The following GRM7 variants were observed in gnomAD, a reference collection of about 807,000 sequenced individuals.
GRM7 encodes the protein glutamate metabotropic receptor 7.
A neutral mutation model predicts 84.5 loss-of-function variants in GRM7; 35 were observed. The ratio of observed to expected loss-of-function variants is 0.41; its 90% CI spans 0.32 to 0.55. The LOEUF is 0.55. Ranked by LOEUF, GRM7 falls within the 20% of genes least tolerant of loss-of-function variation. GRM7 has a pLI of 0.19. For missense variants in GRM7, 1,003 were observed against 1,194.6 expected (o/e 0.84, Z 2.36); for synonymous variants, 487 against 455.1 (o/e 1.07, Z -0.89).
intron 1 of GRM7, among the ~76,000 whole-genome samples, chr3:6,990,517 C>T (rs567826148): frequency 2.0e-5 from 3 of 152,206 alleles, no homozygotes; most frequent in South Asian, 2.1e-4. Context: ...TTATTACTAT[C>T]GACATGGCTC....
chr3:7,295,218 C>A (rs970546842), intron 2 of GRM7, among the ~76,000 whole-genome samples: 18 of 151,990 alleles, frequency 1.2e-4, no homozygotes, highest in African/African-American at 4.4e-4. Flanking sequence ...TAAGAAAATC[C>A]AATTATTTTG....
chr3:7,587,929 C>T (rs781703666), intron 8 of GRM7, among the ~76,000 whole-genome samples: 14 of 152,058 alleles, frequency 9.2e-5, no homozygotes, highest in African/African-American at 3.1e-4. Context: ...TACCAAAGAA[C>T]GTTAGATGGG....
intron 7 of GRM7, among the ~76,000 whole-genome samples, chr3:7,537,247 C>G (rs772363386): frequency 2.0e-5 from 3 of 152,154 alleles, no homozygotes; most frequent in Non-Finnish European, 4.4e-5. Flanking sequence ...ATCTCTTCTT[C>G]TTTCCTCCCT....
chr3:7,418,159 C>A lies in GRM7; in HGVS notation c.1174+2996C>A, dbSNP rs541294951. Among the ~76,000 whole-genome samples the A allele has an allele frequency of 2.6e-5, 4 of 152,232 alleles. No individual in the cohort carries two copies. The South Asian group carries it at 6.2e-4, about 24-fold the overall frequency. ...TAAAGTCTTAAAGAAAGGGATCTTA[C>A]CGCATTCTTTAGTATTTCAAGAACA... On this transcript the variant is annotated intron_variant, in intron 5 of 9. Transcript: ENST00000357716.
intron 1 of GRM7, among the ~76,000 whole-genome samples, chr3:7,114,025 T>C (rs1277525455): frequency 1.3e-5 from 2 of 152,196 alleles, no homozygotes; most frequent in Non-Finnish European, 2.9e-5. Flanking sequence ...TTGCCCTAAA[T>C]ACAGCTACTA....
chr3:7,105,587 TTC>T (rs1699265312), intron 1 of GRM7, among the ~76,000 whole-genome samples: 2 of 151,948 alleles, frequency 1.3e-5, no homozygotes, highest in Non-Finnish European at 2.9e-5. Flanking sequence ...ACTATTCCCT[TTC>T]TTACTTATTT....
rs1383248841 is a variant in GRM7, at chr3:6,862,899, G to C, written c.519+992G>C. The C allele has an allele frequency of 2.4e-6, 1 of 418,822 alleles. No homozygotes were observed. The highest frequency in any genetic ancestry group is 2.1e-5 in the African/African-American group (1 of 48,182). 25.9% of individuals were successfully genotyped at this position (418,822 alleles called of 1,614,324 possible). ...GCCGGAGGGAGACGGAGAAAAAATGGGAGGAAGGCGGATCCGGGGCCGCTG... is the reference window on the plus strand; with the variant it reads ...GCCGGAGGGAGACGGAGAAAAAATGCGAGGAAGGCGGATCCGGGGCCGCTG... On this transcript the variant is annotated intron_variant, in intron 1 of 9. Transcript: ENST00000357716. The surrounding 1 kb of genome is among the most constrained non-coding windows in gnomAD (Gnocchi z 5.2).
chr3:6,935,062 C>T (rs775393788), intron 1 of GRM7, among the ~76,000 whole-genome samples: 9 of 152,168 alleles, frequency 5.9e-5, no homozygotes, highest in Non-Finnish European at 1.3e-4. Flanking sequence ...ATCCCTTGCC[C>T]TCGGCACTAA....
chr3:7,606,600 C>G (rs1209340433), intron 8 of GRM7, among the ~76,000 whole-genome samples: 1 of 152,130 alleles, frequency 6.6e-6, no homozygotes, highest in Non-Finnish European at 1.5e-5. Flanking sequence ...GTGGCGCAAT[C>G]TCGGCTCACT....
At chr3:6,998,118 T>TAAAAAAAAAAAAAAAA (rs1694884902) in intron 1 of GRM7, among the ~76,000 whole-genome samples, 1 of 876 alleles carries the variant, frequency 1.1e-3, no homozygotes, top group Non-Finnish European at 0.011. Context: ...AATCTCCATC[T>TAAAAAAAAAAAAAAAA]CAAAAAAAAA....
At chr3:7,498,904 G>C (rs1464835449) in intron 7 of GRM7, among the ~76,000 whole-genome samples, 5 of 152,214 alleles carry the variant, frequency 3.3e-5, no homozygotes, top group Non-Finnish European at 7.3e-5. Context: ...TGAATGCAGA[G>C]TCATCTGTGC....
intron 4 of GRM7, among the ~76,000 whole-genome samples, chr3:7,351,092 G>T (rs558046870): frequency 6.6e-6 from 1 of 152,012 alleles, no homozygotes; most frequent in Non-Finnish European, 1.5e-5. Context: ...GATCCAGTCA[G>T]GTCTCACTCT....
At chr3:7,324,502 T>A (rs1372768063) in intron 4 of GRM7, among the ~76,000 whole-genome samples, 1 of 152,160 alleles carries the variant, frequency 6.6e-6, no homozygotes, top group Non-Finnish European at 1.5e-5. Flanking sequence ...GAACAGCCTC[T>A]TATGGCCTTT....
rs566101186 is a variant in GRM7, at chr3:7,610,055, T to G, written c.2451+30698T>G. Reference sequence around the variant, plus strand: ...GATGTTTACATTTTAACTTTCTTATTTTCCATTTTGGAAAGAGGGGTGGTC... The same window carrying G: ...GATGTTTACATTTTAACTTTCTTATGTTCCATTTTGGAAAGAGGGGTGGTC... On this transcript the variant is annotated intron_variant, in intron 8 of 9. Coordinates refer to ENST00000357716, the MANE Select transcript of GRM7 (RefSeq NM_000844.4). Among the ~76,000 whole-genome samples, 21 of 152,218 alleles carry G rather than the reference T, an allele frequency of 1.4e-4. No individual in the cohort carries two copies. In the South Asian group the frequency reaches 2.3e-3, roughly 17 times the overall value.
chr3:7,532,507 C>T (rs1459190815), intron 7 of GRM7, among the ~76,000 whole-genome samples: 1 of 151,892 alleles, frequency 6.6e-6, no homozygotes, highest in Non-Finnish European at 1.5e-5. Context: ...TGATTCTTCT[C>T]TCTTTTCTTC....
rs532694014 is a variant in GRM7, at chr3:7,645,418, G to A, written c.2452-34631G>A. ...AAAAATTAGCTGGGTGTGGTGGTGC[G>A]CGCCTGTAATCCCAGCTACTCGGGA... On this transcript the variant is annotated intron_variant, in intron 8 of 9. Transcript: ENST00000357716. 4.0e-4 allele frequency among the ~76,000 whole-genome samples: 60 copies of A among 151,596 alleles called. 1 individual carries two copies. Among genetic ancestry groups the A allele is most frequent in the African/African-American group, 1.0e-3 (43 of 41,320 alleles).
chr3:7,281,272 A>T (rs573069541), intron 2 of GRM7, among the ~76,000 whole-genome samples: 1 of 152,150 alleles, frequency 6.6e-6, no homozygotes, highest in East Asian at 1.9e-4. Flanking sequence ...TATTCTATGT[A>T]AATCTATTTT....
chr3:7,105,471 T>C (rs17046783), intron 1 of GRM7, among the ~76,000 whole-genome samples: 4,160 of 152,012 alleles, frequency 0.027, 185 homozygotes, highest in African/African-American at 0.096. Flanking sequence ...TCATGAATTT[T>C]GGCATTTTTT....
intron 9 of GRM7, among the ~76,000 whole-genome samples, chr3:7,691,644 G>T (rs1387066655): frequency 6.6e-6 from 1 of 151,976 alleles, no homozygotes; most frequent in Non-Finnish European, 1.5e-5. Flanking sequence ...CTGCTCATCT[G>T]GTTTTTTTAT....
Sources: gnomAD v4.1 joint callset for allele counts (sites outside exome capture counted in the v4.1 genomes callset) on GRCh38, gnomAD v4.1.1 for gene constraint, Gnocchi (gnomAD v3.1) non-coding constraint, MANE v1.5 for transcripts, NCBI Gene and HGNC (gene_info 2026-07-23, HGNC 2026-07-21) for gene names.